The following NAT2 variants were observed in gnomAD, a reference collection of about 807,000 sequenced individuals.
The protein encoded by NAT2 is arylamine N-acetyltransferase 2.
For synonymous variants in NAT2, 137 were observed against 125.9 expected, an observed-to-expected ratio of 1.09 and a Z score of -0.59; for missense variants, 428 against 339.1, an observed-to-expected ratio of 1.26 and a Z score of -2.06.
rs1188679836 is a variant in NAT2, at chr8:18,399,994, T to C, written c.-6-4T>C. On this transcript the variant is annotated splice_polypyrimidine_tract_variant and splice_region_variant and intron_variant, in intron 1 of 1. Coordinates refer to ENST00000286479, the MANE Select transcript of NAT2 (RefSeq NM_000015.3). The stretch of plus-strand genomic sequence containing the variant: ...TGTTTTTATGTTTTGTTTTTCTTGC[T>C]TAGGGGATCATGGACATTGAAGCAT... 1 of 1,557,794 alleles carries C rather than the reference T, an allele frequency of 6.4e-7. No homozygotes were observed. Among genetic ancestry groups the C allele is most frequent in the Admixed American group, 2.0e-5 (1 of 51,002 alleles).
chr8:18,395,527 A>G (rs1476246489), intron 1 of NAT2, among the ~76,000 whole-genome samples: 1 of 152,198 alleles, frequency 6.6e-6, no homozygotes. Flanking sequence ...AATGTTTCCT[A>G]TATGATTTTA....
intron 1 of NAT2, among the ~76,000 whole-genome samples, chr8:18,394,586 C>T (rs1800651031): frequency 6.6e-6 from 1 of 152,050 alleles, no homozygotes; most frequent in Non-Finnish European, 1.5e-5. Context: ...AGTGAATTCT[C>T]TCTCAAGGTC....
In NAT2 at chr8:18,400,753, A is replaced by G; in HGVS notation, c.750A>G (p.Thr250=). The G allele has an allele frequency of 6.2e-7, 1 of 1,613,684 alleles. No homozygotes were observed. Among genetic ancestry groups the G allele is most frequent in the Non-Finnish European group, 8.5e-7 (1 of 1,179,952 alleles). The part of the protein sequence containing the change: ...TYRKFNYKDN[T]DLVEFKTLTE... ...GAAAATTCAATTATAAAGACAATAC[A>G]GATCTGGTCGAGTTTAAAACTCTCA... is the stretch of plus-strand genomic sequence containing the variant. Residue 250 remains threonine, a synonymous_variant, in exon 2 of 2, where the codon ACA becomes ACG. Transcript: ENST00000286479.
At chr8:18,396,023 A>G (rs2117616583) in intron 1 of NAT2, among the ~76,000 whole-genome samples, 1 of 151,732 alleles carries the variant, frequency 6.6e-6, no homozygotes, top group Non-Finnish European at 1.5e-5. Context: ...ATATTAAAAG[A>G]AAATCTTATT....
chr8:18,396,000 T>C (rs1277927604), intron 1 of NAT2, among the ~76,000 whole-genome samples: 1 of 151,582 alleles, frequency 6.6e-6, no homozygotes, highest in East Asian at 1.9e-4. Flanking sequence ...CAAAAATCTT[T>C]CACTATCTCT....
chr8:18,401,082 A>G lies in NAT2; in HGVS notation c.*206A>G, dbSNP rs548735633. The stretch of plus-strand genomic sequence containing the variant: ...AGGACACATTTTCAAATTAATAAAA[A>G]TAAAGGCATTTTAAGGATGGCCTGT... On this transcript the variant is annotated 3_prime_UTR_variant, in exon 2 of 2. Coordinates refer to ENST00000286479, the MANE Select transcript of NAT2 (RefSeq NM_000015.3). 2 of 424,700 alleles carry G rather than the reference A, an allele frequency of 4.7e-6. No individual in the cohort carries two copies. Among genetic ancestry groups the G allele is most frequent in the East Asian group, 7.5e-5 (2 of 26,540 alleles). 26.3% of individuals were successfully genotyped at this position (424,700 alleles called of 1,614,324 possible).
Position 18,400,340 on chromosome 8 carries a change from A to G in NAT2, c.337A>G (p.Thr113Ala). The change falls in exon 2 of 2, where the codon ACC becomes GCC. Residue 113 changes from threonine to alanine, a missense_variant. Coordinates refer to ENST00000286479, the MANE Select transcript of NAT2 (RefSeq NM_000015.3). ...CATGGTTCACCTTCTCCTGCAGGTG[A>G]CCATTGACGGCAGGAATTACATTGT... is the stretch of plus-strand genomic sequence containing the variant. The part of the protein sequence containing the change: ...TGMVHLLLQV[T>A]IDGRNYIVDA... 1 of 1,613,322 alleles carries G rather than the reference A, an allele frequency of 6.2e-7. No homozygotes were observed. The highest frequency in any genetic ancestry group is 1.1e-5 in the South Asian group (1 of 91,002).
chr8:18,396,263 T>C (rs1314240305), intron 1 of NAT2, among the ~76,000 whole-genome samples: 1 of 144,324 alleles, frequency 6.9e-6, no homozygotes, highest in Non-Finnish European at 1.5e-5. Context: ...AGTATGCTTT[T>C]TATTTTAAGG....
At chr8:18,397,703 A>T (rs1489154113) in intron 1 of NAT2, among the ~76,000 whole-genome samples, 3 of 152,140 alleles carry the variant, frequency 2.0e-5, no homozygotes, top group Non-Finnish European at 4.4e-5. Context: ...TCTTCATTAA[A>T]TTCCAAGAAG....
intron 1 of NAT2, among the ~76,000 whole-genome samples, chr8:18,395,753 T>C (rs530989997): frequency 1.2e-4 from 19 of 152,288 alleles, no homozygotes; most frequent in African/African-American, 4.6e-4. Flanking sequence ...TAGAGACAGA[T>C]ATTGTGGTGG....
upstream of NAT2, chr8:18,387,281 C>T (rs1328512856): frequency 6.5e-6 from 1 of 153,282 alleles, no homozygotes; most frequent in Non-Finnish European, 1.5e-5. Flanking sequence ...CGCTCCCGCG[C>T]TTCTCCCTGC....
At chr8:18,388,895 A>C (rs1051479273), upstream of NAT2, among the ~76,000 whole-genome samples, 1 of 152,172 alleles carries the variant, frequency 6.6e-6, no homozygotes, top group Non-Finnish European at 1.5e-5. Flanking sequence ...CACATAAAAA[A>C]CTTTGATGAA....
chr8:18,389,751 G>A (rs1446082852), upstream of NAT2, among the ~76,000 whole-genome samples: 3 of 152,200 alleles, frequency 2.0e-5, no homozygotes, highest in Admixed American at 2.0e-4. Flanking sequence ...GTCTAGAAAC[G>A]CATTCATCAC....
chr8:18,386,555 G>A (rs1025712649), upstream of NAT2, among the ~76,000 whole-genome samples: 2 of 152,146 alleles, frequency 1.3e-5, no homozygotes, highest in Admixed American at 1.3e-4. Context: ...AGCTTCTCCC[G>A]AGTGCCAGGT....
intron 1 of NAT2, among the ~76,000 whole-genome samples, chr8:18,399,006 T>G (rs45465404): frequency 6.6e-6 from 1 of 152,172 alleles, no homozygotes; most frequent in African/African-American, 2.4e-5. Flanking sequence ...TCACTTTGAT[T>G]TCTCATCTCG....
At chr8:18,392,281 G>A (rs1041565539) in intron 1 of NAT2, among the ~76,000 whole-genome samples, 1 of 152,178 alleles carries the variant, frequency 6.6e-6, no homozygotes, top group African/African-American at 2.4e-5. Flanking sequence ...TGATCACAAG[G>A]TGACGTCCCA....
At chr8:18,389,985 G>T (rs915575866), upstream of NAT2, among the ~76,000 whole-genome samples, 1 of 152,214 alleles carries the variant, frequency 6.6e-6, no homozygotes, top group Admixed American at 6.5e-5. Flanking sequence ...AAGGTGCATT[G>T]TTGGCAGGCT....
intron 1 of NAT2, among the ~76,000 whole-genome samples, chr8:18,391,554 C>T (rs1229860199): frequency 1.3e-5 from 2 of 151,726 alleles, no homozygotes; most frequent in African/African-American, 2.4e-5. Context: ...TCAGGCACAA[C>T]TGACCAGCAT....
chr8:18,389,681 C>T (rs1464752364), upstream of NAT2, among the ~76,000 whole-genome samples: 4 of 152,206 alleles, frequency 2.6e-5, no homozygotes, highest in African/African-American at 9.7e-5. Flanking sequence ...TGATCTGCCC[C>T]TCCGCAGATC....
Sources: gnomAD v4.1 joint callset for allele counts (sites outside exome capture counted in the v4.1 genomes callset) on GRCh38, gnomAD v4.1.1 for gene constraint, MANE v1.5 for transcripts, NCBI Gene and HGNC (gene_info 2026-07-23, HGNC 2026-07-21) for gene names.